Variants in PLOD2 observed in about 807,000 individuals in gnomAD.
The protein encoded by PLOD2 is lysine hydroxylase 2.
In PLOD2, 65 loss-of-function variants were observed where a neutral mutation model predicts 101.0. The ratio of observed to expected loss-of-function variants is 0.64; its 90% confidence interval spans 0.53 to 0.79. PLOD2 has a LOEUF of 0.79. Among genes scored for constraint, PLOD2 ranks in the 30% least tolerant of loss-of-function variants. The probability of loss-of-function intolerance (pLI) is 0.00; values close to 1 mark genes in which losing one functional copy is unlikely to be tolerated. For synonymous variants in PLOD2, 314 were observed against 302.9 expected (o/e 1.04, Z -0.38); for missense variants, 909 against 914.6 (o/e 0.99, Z 0.08).
intron 1 of PLOD2, among the ~76,000 whole-genome samples, chr3:146,126,286 G>A (rs748548254): frequency 1.3e-5 from 2 of 151,994 alleles, no homozygotes; most frequent in African/African-American, 2.4e-5. Flanking sequence ...TATTACACAT[G>A]AACAGCTGTT....
At chr3:146,147,508 G>T (rs772647198) in intron 1 of PLOD2, among the ~76,000 whole-genome samples, 8 of 152,154 alleles carry the variant, frequency 5.3e-5, no homozygotes. Flanking sequence ...GACATTTGGG[G>T]CCAGATAATT....
chr3:146,150,209 A>G (rs2108139381), intron 1 of PLOD2, among the ~76,000 whole-genome samples: 1 of 152,276 alleles, frequency 6.6e-6, no homozygotes, highest in East Asian at 1.9e-4. Flanking sequence ...GCTCCCACAA[A>G]CTGATTTCGT....
intron 15 of PLOD2, among the ~76,000 whole-genome samples, chr3:146,074,952 C>T (rs1370482815): frequency 6.6e-6 from 1 of 151,518 alleles, no homozygotes; most frequent in Non-Finnish European, 1.5e-5. Flanking sequence ...ATTTTCATTG[C>T]TTACTTTCCA....
intron 1 of PLOD2, among the ~76,000 whole-genome samples, chr3:146,136,363 A>T (rs1376230240): frequency 6.6e-6 from 1 of 152,188 alleles, no homozygotes; most frequent in African/African-American, 2.4e-5. Flanking sequence ...GAGTGCTGAA[A>T]GACCACAAGT....
intron 3 of PLOD2, among the ~76,000 whole-genome samples, chr3:146,114,251 G>GA (rs200493571): frequency 0.5 from 75,770 of 151,044 alleles, 19,096 homozygotes; most frequent in East Asian, 0.56. Flanking sequence ...TTGCCTCTGT[G>GA]TGCCTCTGTG....
chr3:146,161,084 C>T lies in PLOD2; in HGVS notation c.-95G>A, dbSNP rs368041250. 5.3e-4 allele frequency: 402 copies of T among 757,814 alleles called. 5 individuals are homozygous for T. In the Middle Eastern group the frequency reaches 8.9e-3, roughly 17 times the overall value. The allele number at this position is 757,814 out of a possible 1,614,324, so 46.9% of individuals were successfully genotyped here. ...GCAGAGACCCGGGTCCGCCCTGAGC[C>T]GCCGATTGCGGGCGGGAGCCGGCGG... On this transcript the variant is annotated 5_prime_UTR_variant, in exon 1 of 20. Transcript: ENST00000282903.
rs544194570 is a variant in PLOD2 at position 146,142,460 on chromosome 3, C to T, written c.110-18231G>A. ...CAGTCTGTCACTTTTTCTTCCTTTA[C>T]CTATTTCCAAAAACTAAGGGTGGTA... On this transcript the variant is annotated intron_variant, in intron 1 of 19. Coordinates refer to ENST00000282903, the MANE Select transcript of PLOD2 (RefSeq NM_182943.3). Among the ~76,000 whole-genome samples, 7 of 152,132 alleles carry T rather than the reference C, an allele frequency of 4.6e-5. No individual in the cohort carries two copies. The East Asian group carries it at 1.2e-3, about 25-fold the overall frequency.
In PLOD2 at chr3:146,071,189, G is replaced by A. The variant is rs1256512536; in HGVS notation, c.1996-22C>T. The A allele has an allele frequency of 3.1e-6, 5 of 1,610,746 alleles. No homozygotes were observed. In the South Asian group the frequency reaches 3.3e-5, roughly 11 times the overall value. ...ATCCCTGAAAAAGCAAAGTAAGCCAGTGGATTTGCTTATTAATAAAAACAT... is the reference window on the plus strand; with the variant it reads ...ATCCCTGAAAAAGCAAAGTAAGCCAATGGATTTGCTTATTAATAAAAACAT... On this transcript the variant is annotated intron_variant, in intron 18 of 19. Transcript: ENST00000282903.
At chr3:146,074,580 C>T (rs1388793462) in intron 15 of PLOD2, among the ~76,000 whole-genome samples, 3 of 151,082 alleles carry the variant, frequency 2.0e-5, no homozygotes, top group Non-Finnish European at 4.4e-5. Flanking sequence ...TCTCATTATT[C>T]CCTCTAATAT....
At chr3:146,152,113 C>G (rs1409565115) in intron 1 of PLOD2, among the ~76,000 whole-genome samples, 6 of 152,130 alleles carry the variant, frequency 3.9e-5, no homozygotes, top group African/African-American at 1.4e-4. Context: ...TCATGGGCAA[C>G]AGCATAAAAA....
At chr3:146,133,909 C>T (rs1406687027) in intron 1 of PLOD2, among the ~76,000 whole-genome samples, 2 of 152,142 alleles carry the variant, frequency 1.3e-5, no homozygotes, top group African/African-American at 2.4e-5. Context: ...GTGATGATTA[C>T]ACTGTAATCT....
chr3:146,099,051 T>G (rs1023904075), intron 7 of PLOD2, among the ~76,000 whole-genome samples: 2 of 152,178 alleles, frequency 1.3e-5, no homozygotes, highest in African/African-American at 2.4e-5. Flanking sequence ...ATAATATCTA[T>G]AATAAAACTT....
chr3:146,097,360 G>A (rs1191010892), intron 7 of PLOD2, among the ~76,000 whole-genome samples: 7 of 140,084 alleles, frequency 5.0e-5, no homozygotes, highest in Admixed American at 3.5e-4. Flanking sequence ...ATAGAAAGGC[G>A]GGAAGGGTGG....
intron 1 of PLOD2, among the ~76,000 whole-genome samples, chr3:146,147,210 C>CA (rs1005162234): frequency 2.4e-4 from 36 of 152,010 alleles, no homozygotes; most frequent in African/African-American, 8.4e-4. Context: ...TAAAAATCTA[C>CA]AAAAAAATCA....
At chr3:146,083,591 T>TG (rs1936648104) in intron 11 of PLOD2, among the ~76,000 whole-genome samples, 1 of 146,866 alleles carries the variant, frequency 6.8e-6, no homozygotes, top group African/African-American at 2.6e-5. Flanking sequence ...TTTTTTTTTT[T>TG]TTTTTTTTGA....
At chr3:146,120,620 G>T (rs894186057) in intron 3 of PLOD2, among the ~76,000 whole-genome samples, 1 of 152,136 alleles carries the variant, frequency 6.6e-6, no homozygotes, top group Non-Finnish European at 1.5e-5. Flanking sequence ...TTGACAAATG[G>T]GATCTAATTA....
intron 7 of PLOD2, among the ~76,000 whole-genome samples, chr3:146,094,449 CAG>C (rs781650412): frequency 6.6e-5 from 10 of 151,942 alleles, no homozygotes; most frequent in Non-Finnish European, 1.3e-4. Context: ...CAATAATAGA[CAG>C]AGAGCCAAAT....
intron 9 of PLOD2, 150 bp downstream of exon 9, chr3:146,088,436 C>T: frequency 1.7e-6 from 1 of 605,974 alleles, no homozygotes; most frequent in Non-Finnish European, 3.0e-6. Flanking sequence ...AATCTAAAAT[C>T]CTTAGGTCCT....
At chr3:146,143,304 TA>T (rs77375083) in intron 1 of PLOD2, among the ~76,000 whole-genome samples, 5 of 150,386 alleles carry the variant, frequency 3.3e-5, no homozygotes, top group African/African-American at 9.8e-5. Flanking sequence ...AGTGAGAATA[TA>T]AAAAAAAAGC....
Sources: allele counts gnomAD v4.1 joint callset (sites outside exome capture counted in the v4.1 genomes callset), GRCh38; gene constraint gnomAD v4.1.1; transcripts MANE v1.5; gene names NCBI Gene and HGNC (gene_info 2026-07-23, HGNC 2026-07-21).